The following PRMT1 variants were observed in gnomAD, a reference collection of about 807,000 sequenced individuals.
PRMT1 encodes the protein protein arginine N-methyltransferase 1.
In PRMT1, 5 loss-of-function variants were observed where a neutral mutation model predicts 47.4. The ratio of observed to expected loss-of-function variants is 0.11; its 90% CI spans 0.06 to 0.22. PRMT1 has a LOEUF of 0.22. Ranked by LOEUF, PRMT1 falls within the 10% of genes least tolerant of loss-of-function variation. The pLI is 1.00. For missense variants in PRMT1, 249 were observed against 518.4 expected (o/e 0.48, Z 5.05); for synonymous variants, 227 against 204.6 (o/e 1.11, Z -0.94).
chr19:49,677,678 A>T, intron 1 of PRMT1: 3 of 170,374 alleles, frequency 1.8e-5, no homozygotes, highest in Non-Finnish European at 3.7e-5. Flanking sequence ...CCGGCCGGGG[A>T]GGGGCGCCCA....
intron 5 of PRMT1, among the ~76,000 whole-genome samples, chr19:49,682,957 TTTG>T: frequency 6.6e-6 from 1 of 152,146 alleles, no homozygotes; most frequent in Middle Eastern, 3.4e-3. Context: ...GGCTAATTTT[TTTG>T]TTTTTTTAGT....
Position 49,685,134 on chromosome 19 carries a change from C to T in PRMT1, c.759+97C>T. 1.3e-6 allele frequency: 2 copies of T among 1,576,740 alleles called. No homozygotes were observed. The highest frequency in any genetic ancestry group is 1.7e-6 in the Non-Finnish European group (2 of 1,161,410). The stretch of plus-strand genomic sequence containing the variant: ...GGGACTTTGGGGCCCAGAATGTTGG[C>T]CTGAGGTCTCAGAGCCTGATCTGCC... On this transcript the variant is annotated intron_variant, in intron 8 of 10. Transcript: ENST00000454376. The surrounding 1 kb of genome is among the most constrained non-coding windows in gnomAD (Gnocchi z 4.7).
chr19:49,680,236 A>G lies in PRMT1; in HGVS notation c.91-251A>G. The G allele has an allele frequency of 6.3e-7, 1 of 1,584,092 alleles. No homozygotes were observed. ...AGACGGGGTCAGAGAGACTGGAGAG[A>G]TGGTAGGCGTGGCTGAGGTATCGGG... On this transcript the variant is annotated intron_variant, in intron 2 of 10. Coordinates refer to ENST00000454376, the MANE Select transcript of PRMT1 (RefSeq NM_001536.6). This position sits in a 1 kb window ranked among gnomAD's most constrained non-coding sequence, Gnocchi z 4.2.
chr19:49,684,901 C>G lies in PRMT1; in HGVS notation c.644-21C>G, dbSNP rs758626197. The G allele has an allele frequency of 6.2e-7, 1 of 1,604,636 alleles. No homozygotes were observed. Among genetic ancestry groups the G allele is most frequent in the East Asian group, 2.2e-5 (1 of 44,658 alleles). On this transcript the variant is annotated intron_variant, in intron 7 of 10. Coordinates refer to ENST00000454376, the MANE Select transcript of PRMT1 (RefSeq NM_001536.6). The surrounding 1 kb of genome is among the most constrained non-coding windows in gnomAD (Gnocchi z 6.2). ...CGGGTGGGCTGCTGCGGGCTCACCC[C>G]CTCCCTGCCTGCCTCCCCAGGGTGG...
intron 1 of PRMT1, among the ~76,000 whole-genome samples, chr19:49,679,135 C>T (rs932040506): frequency 6.6e-5 from 10 of 152,166 alleles, no homozygotes; most frequent in Admixed American, 1.3e-4. Context: ...CCACCTGCCT[C>T]GGCCTCCCAA....
chr19:49,676,213 G>T, upstream of PRMT1: 1 of 152,406 alleles, frequency 6.6e-6, no homozygotes. Flanking sequence ...AGCCTGCGCG[G>T]AGGCCCAGAA....
In PRMT1 at chr19:49,684,350, G is replaced by A. The variant is rs1274397593; in HGVS notation, c.555+281G>A. Among the ~76,000 whole-genome samples, 3 of 152,164 alleles carry A rather than the reference G, an allele frequency of 2.0e-5. No homozygotes were observed. Among genetic ancestry groups the A allele is most frequent in the Non-Finnish European group, 4.4e-5 (3 of 68,026 alleles). ...GTGAGGTGACGGAGAGGTGGATGAA[G>A]CATACGGAGGGGCAGCCAGGGCAGG... On this transcript the variant is annotated intron_variant, in intron 6 of 10. Transcript: ENST00000454376. The surrounding 1 kb of genome is among the most constrained non-coding windows in gnomAD (Gnocchi z 6.2).
rs1262139834 is a variant in PRMT1, at chr19:49,684,399, A to C, written c.555+330A>C. 6.6e-6 allele frequency among the ~76,000 whole-genome samples: 1 copy of C among 152,060 alleles called. No individual in the cohort carries two copies. Among genetic ancestry groups the C allele is most frequent in the Non-Finnish European group, 1.5e-5 (1 of 67,994 alleles). Reference sequence around the variant, plus strand: ...GGTGTGCCCTTGCTGCGTGTGGAACAGCAGGGAGGCCCGTGTGGAAGGAGG... The same window carrying C: ...GGTGTGCCCTTGCTGCGTGTGGAACCGCAGGGAGGCCCGTGTGGAAGGAGG... On this transcript the variant is annotated intron_variant, in intron 6 of 10. Transcript: ENST00000454376. This position sits in a 1 kb window ranked among gnomAD's most constrained non-coding sequence, Gnocchi z 6.2.
chr19:49,687,664 C>G (rs1170247486), intron 10 of PRMT1, among the ~76,000 whole-genome samples: 1 of 152,048 alleles, frequency 6.6e-6, no homozygotes, highest in Non-Finnish European at 1.5e-5. Flanking sequence ...ACTCATGCAG[C>G]CCCCGGGACC....
Position 49,684,465 on chromosome 19 carries a change from G to T in PRMT1, c.556-289G>T, listed in dbSNP as rs551671731. Among the ~76,000 whole-genome samples, 144 of 152,258 alleles carry T rather than the reference G, an allele frequency of 9.5e-4. 1 individual carries two copies. The highest frequency in any genetic ancestry group is 2.9e-3 in the African/African-American group (122 of 41,554). The stretch of plus-strand genomic sequence containing the variant: ...AGGAGGAGGAGTGGAGGTGAGGGGT[G>T]ACAGGGCGTGTGCAGATTTTGTGGA... On this transcript the variant is annotated intron_variant, in intron 6 of 10. Transcript: ENST00000454376. The surrounding 1 kb of genome is among the most constrained non-coding windows in gnomAD (Gnocchi z 6.2).
chr19:49,688,081 T>A lies in PRMT1; in HGVS notation c.1033-81T>A. 2.4e-6 allele frequency: 3 copies of A among 1,236,922 alleles called. No individual in the cohort carries two copies. In the Admixed American group the frequency reaches 5.0e-5, roughly 21 times the overall value. The allele number at this position is 1,236,922 out of a possible 1,614,324, so 76.6% of individuals were successfully genotyped here. A position where few individuals can be genotyped will look rare whatever the true frequency, so the allele number is the denominator to read the frequency against. ...GGGCAGGAAGCTGGAGCCCGGCTCA[T>A]CGTCGCATAGCCTGCCTGCACCCGC... On this transcript the variant is annotated intron_variant, in intron 10 of 10. Transcript: ENST00000454376. This position sits in a 1 kb window ranked among gnomAD's most constrained non-coding sequence, Gnocchi z 5.3.
intron 10 of PRMT1, among the ~76,000 whole-genome samples, 164 bp downstream of exon 10, chr19:49,686,890 C>T (rs1000163817): frequency 2.0e-5 from 3 of 151,846 alleles, no homozygotes; most frequent in African/African-American, 7.3e-5. Flanking sequence ...TGCCTATTCC[C>T]GGGTCCCCAA....
At position 49,688,305 on chromosome 19, in the gene PRMT1, G is replaced by T. The variant is rs982263769; in HGVS notation, c.*60G>T. 13 of 1,548,076 alleles carry T rather than the reference G, an allele frequency of 8.4e-6. No homozygotes were observed. Among genetic ancestry groups the T allele is most frequent in the Middle Eastern group, 1.7e-4 (1 of 5,926 alleles). The stretch of plus-strand genomic sequence containing the variant: ...CTGAGCGTTCCTAGGCGGTTTCGGG[G>T]CTCCCCCTTCCTCTCCCTCCCTCCC... On this transcript the variant is annotated 3_prime_UTR_variant, in exon 11 of 11. Coordinates refer to ENST00000454376, the MANE Select transcript of PRMT1 (RefSeq NM_001536.6). This position sits in a 1 kb window ranked among gnomAD's most constrained non-coding sequence, Gnocchi z 5.3.
At position 49,683,910 on chromosome 19, in the gene PRMT1, C is replaced by T; in HGVS notation, c.413-17C>T. ...GGCCTCCCGGGGGCTGACGTGGCCACCCTTGTCCGCCCGCAGTGGTGACCA... is the reference window on the plus strand; with the variant it reads ...GGCCTCCCGGGGGCTGACGTGGCCATCCTTGTCCGCCCGCAGTGGTGACCA... On this transcript the variant is annotated splice_polypyrimidine_tract_variant and intron_variant, in intron 5 of 10. Transcript: ENST00000454376. The T allele has an allele frequency of 1.2e-6, 2 of 1,609,204 alleles. No homozygotes were observed. Among genetic ancestry groups the T allele is most frequent in the Non-Finnish European group, 1.7e-6 (2 of 1,177,768 alleles).
At chr19:49,682,407 A>G in intron 5 of PRMT1, 148 bp downstream of exon 5, 2 of 805,192 alleles carry the variant, frequency 2.5e-6, no homozygotes, top group South Asian at 3.4e-5. Flanking sequence ...GCCGCCTGAG[A>G]ATCTGAGTGT....
At chr19:49,682,089 G>A (rs576724055) in intron 4 of PRMT1, 24 bp downstream of exon 4, 53 of 1,613,740 alleles carry the variant, frequency 3.3e-5, no homozygotes, top group East Asian at 6.7e-5. Flanking sequence ...GTGGCCAGGC[G>A]GGGCCGGGCC....
In PRMT1 at chr19:49,680,225, A is replaced by G; in HGVS notation, c.91-262A>G. The G allele has an allele frequency of 6.3e-7, 1 of 1,591,888 alleles. No individual in the cohort carries two copies. The highest frequency in any genetic ancestry group is 1.7e-4 in the Middle Eastern group (1 of 5,982). On this transcript the variant is annotated intron_variant, in intron 2 of 10. Transcript: ENST00000454376. The surrounding 1 kb of genome is among the most constrained non-coding windows in gnomAD (Gnocchi z 4.2). ...GGCTGAGCTAGAGACGGGGTCAGAG[A>G]GACTGGAGAGATGGTAGGCGTGGCT... is the stretch of plus-strand genomic sequence containing the variant.
chr19:49,684,759 C>G lies in PRMT1; in HGVS notation c.561C>G (p.Pro187=). The stretch of plus-strand genomic sequence containing the variant: ...CTCGCCCTGCCCCTCTGTAGGCGCC[C>G]GATGGCCTCATCTTCCCAGACCGGG... ...VLYARDKWLA[P]DGLIFPDRAT... Residue 187 remains proline, a synonymous_variant, in exon 7 of 11, where the codon CCC becomes CCG. Coordinates refer to ENST00000454376, the MANE Select transcript of PRMT1 (RefSeq NM_001536.6). This position sits in a 1 kb window ranked among gnomAD's most constrained non-coding sequence, Gnocchi z 6.2. 1 of 1,555,230 alleles carries G rather than the reference C, an allele frequency of 6.4e-7. No homozygotes were observed. Among genetic ancestry groups the G allele is most frequent in the Non-Finnish European group, 8.7e-7 (1 of 1,149,212 alleles).
chr19:49,679,212 G>A (rs930849439), intron 1 of PRMT1, among the ~76,000 whole-genome samples: 9 of 152,154 alleles, frequency 5.9e-5, no homozygotes, highest in Non-Finnish European at 1.2e-4. Flanking sequence ...CTCATTCTTA[G>A]AGGGTCCAGG....
Sources: gnomAD v4.1 joint callset for allele counts (sites outside exome capture counted in the v4.1 genomes callset) on GRCh38, gnomAD v4.1.1 for gene constraint, Gnocchi (gnomAD v3.1) non-coding constraint, MANE v1.5 for transcripts, NCBI Gene and HGNC (gene_info 2026-07-23, HGNC 2026-07-21) for gene names.